The following NFXL1 variants were observed in gnomAD, a reference collection of about 807,000 sequenced individuals.
NFXL1 encodes the protein NF-X1-type zinc finger protein NFXL1.
A neutral mutation model predicts 123.3 loss-of-function variants in NFXL1; 66 were observed. That is an observed-to-expected ratio of 0.54 (90% CI 0.44 to 0.66). The LOEUF (loss-of-function observed/expected upper bound fraction) is 0.66. Ranked by LOEUF, NFXL1 falls within the 30% of genes least tolerant of loss-of-function variation. The probability of loss-of-function intolerance (pLI) is 0.00; values close to 1 mark genes in which losing one functional copy is unlikely to be tolerated. For synonymous variants in NFXL1, 346 were observed against 360.8 expected (o/e 0.96, Z 0.46); for missense variants, 944 against 1,125.6 (o/e 0.84, Z 2.31).
intron 11 of NFXL1, 73 bp from the exon 12 acceptor site, chr4:47,890,776 A>G: frequency 1.3e-6 from 1 of 795,654 alleles, no homozygotes; most frequent in Non-Finnish European, 2.1e-6. Context: ...ATTACTAGTT[A>G]CAGAACTTAT....
chr4:47,892,521 A>G (rs1578029148), intron 11 of NFXL1, among the ~76,000 whole-genome samples: 1 of 152,330 alleles, frequency 6.6e-6, no homozygotes, highest in Non-Finnish European at 1.5e-5. Context: ...GAATAATTTC[A>G]AGAGATCACA....
chr4:47,860,230 T>A (rs183091481), intron 19 of NFXL1, among the ~76,000 whole-genome samples: 1 of 152,142 alleles, frequency 6.6e-6, no homozygotes, highest in South Asian at 2.1e-4. Flanking sequence ...ATACAAAATT[T>A]TATCAATTAA....
intron 4 of NFXL1, among the ~76,000 whole-genome samples, chr4:47,903,765 A>G (rs1737448079): frequency 6.6e-6 from 1 of 152,178 alleles, no homozygotes; most frequent in African/African-American, 2.4e-5. Flanking sequence ...CTACAAAAGA[A>G]TCTTTAAACA....
At chr4:47,857,989 TCTC>T (rs1471444202) in intron 19 of NFXL1, among the ~76,000 whole-genome samples, 1 of 152,158 alleles carries the variant, frequency 6.6e-6, no homozygotes, top group Non-Finnish European at 1.5e-5. Context: ...ACGTCTTCTC[TCTC>T]CTTTTTTTCC....
At chr4:47,871,246 G>A (rs985256499) in intron 18 of NFXL1, among the ~76,000 whole-genome samples, 24 of 151,976 alleles carry the variant, frequency 1.6e-4, no homozygotes, top group Non-Finnish European at 2.4e-4. Context: ...CCAGCTACGC[G>A]GGAGGCTGAG....
At chr4:47,905,495 A>C in intron 3 of NFXL1, 149 bp from the exon 4 acceptor site, 1 of 455,240 alleles carries the variant, frequency 2.2e-6, no homozygotes, top group Non-Finnish European at 4.0e-6. Flanking sequence ...TTAAAAAAGT[A>C]ACCAATGAGC....
At chr4:47,852,964 G>A (rs1682710857) in intron 20 of NFXL1, among the ~76,000 whole-genome samples, 1 of 150,600 alleles carries the variant, frequency 6.6e-6, no homozygotes, top group South Asian at 2.1e-4. Context: ...TTACTTGGAG[G>A]GTTTTTTTTT....
At chr4:47,913,898 C>A in intron 2 of NFXL1, 71 bp downstream of exon 2, 8 of 1,011,710 alleles carry the variant, frequency 7.9e-6, no homozygotes, top group South Asian at 1.8e-5. Flanking sequence ...AAGGCGAGGG[C>A]GGAGGCGGTC....
At chr4:47,909,112 T>TA in intron 3 of NFXL1, among the ~76,000 whole-genome samples, 1 of 152,160 alleles carries the variant, frequency 6.6e-6, no homozygotes. Context: ...CTACAGTACT[T>TA]ACACATACTG....
chr4:47,863,366 G>T (rs1734870848), intron 18 of NFXL1, among the ~76,000 whole-genome samples: 1 of 152,112 alleles, frequency 6.6e-6, no homozygotes, highest in Non-Finnish European at 1.5e-5. Flanking sequence ...AAAAGCTTGG[G>T]TAAGCTATTA....
chr4:47,898,034 A>G lies in NFXL1; in HGVS notation c.1137T>C (p.Val379=), dbSNP rs1441136378. ...LPCGNHTCEQ[V]CHVGACGECP... is the part of the protein sequence containing the mutation. Reference sequence around the variant, plus strand: ...ATTCTCCACAAGCACCAACATGGCAAACTTGCTCACATGTGTGATTACCAC... The same window carrying G: ...ATTCTCCACAAGCACCAACATGGCAGACTTGCTCACATGTGTGATTACCAC... The change falls in exon 9 of 23, where the codon GTT becomes GTC. Residue 379 remains valine, a synonymous_variant. Transcript: ENST00000507489. 2.5e-6 allele frequency: 4 copies of G among 1,612,812 alleles called. No individual in the cohort carries two copies. Among genetic ancestry groups the G allele is most frequent in the Non-Finnish European group, 3.4e-6 (4 of 1,179,518 alleles).
Position 47,848,114 on chromosome 4 carries a change from C to T in NFXL1, c.*49G>A. ...ACATTTTCTAATATTTCAAATTTAACAACTTATCTAAATCCAATCTGAGTT... is the reference window on the plus strand; with the variant it reads ...ACATTTTCTAATATTTCAAATTTAATAACTTATCTAAATCCAATCTGAGTT... On this transcript the variant is annotated 3_prime_UTR_variant, in exon 23 of 23. Coordinates refer to ENST00000507489, the MANE Select transcript of NFXL1 (RefSeq NM_001278624.2). The T allele has an allele frequency of 8.4e-7, 1 of 1,193,078 alleles. No individual in the cohort carries two copies. The highest frequency in any genetic ancestry group is 1.2e-6 in the Non-Finnish European group (1 of 842,682). 73.9% of individuals were successfully genotyped at this position (1,193,078 alleles called of 1,614,324 possible). A position where few individuals can be genotyped will look rare whatever the true frequency, so the allele number is the denominator to read the frequency against.
intron 22 of NFXL1, 51 bp from the exon 23 acceptor site, chr4:47,848,387 G>T: frequency 7.4e-7 from 1 of 1,352,410 alleles, no homozygotes; most frequent in Non-Finnish European, 1.0e-6. Flanking sequence ...ACATTGATTT[G>T]AAAGTTTCCA....
At chr4:47,872,912 G>T (rs1735541177) in intron 18 of NFXL1, among the ~76,000 whole-genome samples, 1 of 152,164 alleles carries the variant, frequency 6.6e-6, no homozygotes, top group Non-Finnish European at 1.5e-5. Flanking sequence ...TGTAGCATGT[G>T]ATGCTGTGTT....
chr4:47,862,743 A>G, intron 19 of NFXL1, 103 bp downstream of exon 19: 1 of 741,748 alleles, frequency 1.3e-6, no homozygotes, highest in Non-Finnish European at 2.4e-6. Flanking sequence ...TTAAAAAGAT[A>G]CAACAGAGAA....
chr4:47,887,652 T>C (rs1378739383), intron 12 of NFXL1, among the ~76,000 whole-genome samples: 1 of 152,188 alleles, frequency 6.6e-6, no homozygotes, highest in African/African-American at 2.4e-5. Flanking sequence ...TTCGGCATAT[T>C]ATATCTGTTT....
chr4:47,876,590 A>G (rs1735769618), intron 17 of NFXL1, among the ~76,000 whole-genome samples: 1 of 152,158 alleles, frequency 6.6e-6, no homozygotes. Context: ...CAGGCCATTG[A>G]AAAGGATTTA....
At chr4:47,891,114 C>CT (rs374093120) in intron 11 of NFXL1, among the ~76,000 whole-genome samples, 85 of 140,002 alleles carry the variant, frequency 6.1e-4, no homozygotes, top group Middle Eastern at 3.6e-3. Context: ...TTCTTTTTTT[C>CT]TTTTTTTTTT....
At chr4:47,892,950 C>T (rs965286531) in intron 11 of NFXL1, among the ~76,000 whole-genome samples, 1 of 152,034 alleles carries the variant, frequency 6.6e-6, no homozygotes, top group African/African-American at 2.4e-5. Flanking sequence ...TTAAAACAGA[C>T]ATTACAAATA....
Sources: allele counts gnomAD v4.1 joint callset (sites outside exome capture counted in the v4.1 genomes callset), GRCh38; gene constraint gnomAD v4.1.1; transcripts MANE v1.5; gene names NCBI Gene and HGNC (gene_info 2026-07-23, HGNC 2026-07-21).